Variants in ZNF655 observed in about 807,000 individuals in gnomAD.
ZNF655 encodes the protein Vav-interacting Kruppel-like protein 1.
In ZNF655, 3 loss-of-function variants were observed where a neutral mutation model predicts 6.6. That is an observed-to-expected ratio of 0.46 (90% CI 0.21 to 1.18). The LOEUF (loss-of-function observed/expected upper bound fraction) is 1.18, where lower values mean the gene tolerates loss of function less well. Ranked by LOEUF, ZNF655 falls within the 50% of genes most tolerant of loss-of-function variation. The probability of loss-of-function intolerance (pLI) is 0.24; values close to 1 mark genes in which losing one functional copy is unlikely to be tolerated. For synonymous variants in ZNF655, 178 were observed against 195.0 expected, an observed-to-expected ratio of 0.91 and a Z score of 0.73; for missense variants, 526 against 572.3, an observed-to-expected ratio of 0.92 and a Z score of 0.83.
intron 2 of ZNF655, chr7:99,571,075 C>CT (rs1308791302): frequency 2.6e-6 from 1 of 383,566 alleles, no homozygotes; most frequent in African/African-American, 2.3e-5. Flanking sequence ...TTCTTGGCCT[C>CT]TTATCCCCTG....
rs2151174938 is a variant in ZNF655, at chr7:99,575,638, TTCGTA to T, written c.*2056_*2060del. 6.6e-6 allele frequency: 1 copy of T among 152,134 alleles called. No homozygotes were observed. Among genetic ancestry groups the T allele is most frequent in the Admixed American group, 6.5e-5 (1 of 15,284 alleles). The allele number at this position is 152,134 out of a possible 1,614,324, so 9.4% of individuals were successfully genotyped here. On this transcript the variant is annotated 3_prime_UTR_variant, in exon 3 of 3. Transcript: ENST00000252713. ...TAGCCTTCCAACAGAGATGATGCTG[TTCGTA>T]TGTTAATCTCAGAGACAGTATTTCA...
Position 99,561,497 on chromosome 7 carries a change from C to T in ZNF655, c.136+802C>T, listed in dbSNP as rs17161764. Among the ~76,000 whole-genome samples, 205 of 152,278 alleles carry T rather than the reference C, an allele frequency of 1.3e-3. 1 individual carries two copies. The highest frequency in any genetic ancestry group is 4.8e-3 in the African/African-American group (199 of 41,552). Reference sequence around the variant, plus strand: ...ACCCATTCACAAGAGAAACGCTGATCAAGTGTCTAGAACAGTGCCTGGAAA... The same window carrying T: ...ACCCATTCACAAGAGAAACGCTGATTAAGTGTCTAGAACAGTGCCTGGAAA... On this transcript the variant is annotated intron_variant, in intron 2 of 2. Coordinates refer to ENST00000252713, the MANE Select transcript of ZNF655 (RefSeq NM_138494.3).
chr7:99,563,786 T>C (rs567033339), intron 2 of ZNF655: 669 of 1,543,600 alleles, frequency 4.3e-4, no homozygotes, highest in Middle Eastern at 7.1e-4. Flanking sequence ...CAAGGTCTTC[T>C]TATTTGTGGG....
chr7:99,569,241 AAAATC>A (rs1803859834), intron 2 of ZNF655, among the ~76,000 whole-genome samples: 1 of 152,204 alleles, frequency 6.6e-6, no homozygotes, highest in African/African-American at 2.4e-5. Context: ...AGATTTAAAT[AAAATC>A]AAAAAGTTTT....
chr7:99,564,044 T>A (rs1423988372), intron 2 of ZNF655: 1 of 1,605,870 alleles, frequency 6.2e-7, no homozygotes, highest in Non-Finnish European at 8.5e-7. Flanking sequence ...CGGAAACTCC[T>A]TTTCCACGAT....
rs200453438 is a variant in ZNF655 at position 99,572,672 on chromosome 7, A to C, written c.564A>C (p.Glu188Asp). ...TAACAGAGGATTTTCAGAGTAGTGA[A>C]TGTAAGGAAAGCTTAATGGATCTCT... ...LNLTEDFQSS[E>D]CKESLMDLSH... The change falls in exon 3 of 3, where the codon GAA becomes GAC. Residue 188 changes from glutamate (E) to aspartate (D), a missense_variant. Transcript: ENST00000252713. 86 of 1,613,634 alleles carry C rather than the reference A, an allele frequency of 5.3e-5. No homozygotes were observed. The highest frequency in any genetic ancestry group is 1.0e-5 in the Non-Finnish European group (12 of 1,179,946).
In ZNF655 at chr7:99,574,820, T is replaced by C. The variant is rs1203928714; in HGVS notation, c.*1236T>C. ...ACTTGGATTCCTGTTGATTAACTTC[T>C]CCATTCTCTTAAGCACCTTTAGAAG... On this transcript the variant is annotated 3_prime_UTR_variant, in exon 3 of 3. Coordinates refer to ENST00000252713, the MANE Select transcript of ZNF655 (RefSeq NM_138494.3). 6.6e-6 allele frequency: 1 copy of C among 152,210 alleles called. No individual in the cohort carries two copies. Among genetic ancestry groups the C allele is most frequent in the African/African-American group, 2.4e-5 (1 of 41,460 alleles). 9.4% of individuals were successfully genotyped at this position (152,210 alleles called of 1,614,324 possible). A position where few individuals can be genotyped will look rare whatever the true frequency, so the allele number is the denominator to read the frequency against.
rs1448533847 is a variant in ZNF655 at position 99,570,396 on chromosome 7, C to A, written c.137-1849C>A. 4 of 152,292 alleles carry A rather than the reference C, an allele frequency of 2.6e-5. No homozygotes were observed. The East Asian group carries it at 7.7e-4, about 29-fold the overall frequency. The allele number at this position is 152,292 out of a possible 1,614,324, so 9.4% of individuals were successfully genotyped here. A position where few individuals can be genotyped will look rare whatever the true frequency, so the allele number is the denominator to read the frequency against. On this transcript the variant is annotated intron_variant, in intron 2 of 2. Coordinates refer to ENST00000252713, the MANE Select transcript of ZNF655 (RefSeq NM_138494.3). ...CAGGATTTCAGAAACACAGTAAATA[C>A]CTTTCTTCTATCTATTCTGATCTCC...
intron 1 of ZNF655, 90 bp from the exon 2 acceptor site, chr7:99,560,443 G>C: frequency 1.6e-6 from 2 of 1,254,966 alleles, no homozygotes; most frequent in Non-Finnish European, 2.2e-6. Context: ...AATATCCATA[G>C]TGTGTAAGAT....
At chr7:99,563,049 C>T in intron 2 of ZNF655, 1 of 285,092 alleles carries the variant, frequency 3.5e-6, no homozygotes, top group South Asian at 3.0e-5. Flanking sequence ...GCATGACTCA[C>T]TGTGAGTACA....
rs1166061979 is a variant in ZNF655, at chr7:99,573,559, G to A, written c.1451G>A (p.Ser484Asn). Residue 484 changes from serine to asparagine, a missense_variant, in exon 3 of 3, where the codon AGC (serine) becomes AAC (asparagine). Ser to Asn is a conservative substitution (Grantham distance 46). Transcript: ENST00000252713. ...SQRAHLVQHQ[S>N]IHTKENS Reference sequence around the variant, plus strand: ...AGAGCACATCTAGTTCAACATCAGAGCATTCATACCAAAGAGAACTCATGA... The same window carrying A: ...AGAGCACATCTAGTTCAACATCAGAACATTCATACCAAAGAGAACTCATGA... The A allele has an allele frequency of 6.2e-7, 1 of 1,604,644 alleles. No homozygotes were observed.
Position 99,558,646 on chromosome 7 carries a change from G to C in ZNF655, c.-169G>C, listed in dbSNP as rs1248905290. On this transcript the variant is annotated 5_prime_UTR_variant, in exon 1 of 3. Transcript: ENST00000252713. The stretch of plus-strand genomic sequence containing the variant: ...GGCGGAGGAGGGGGGGCCCTCATTC[G>C]GGACCCTGCACTCCGTCGCCGGAAG... 1 of 152,140 alleles carries C rather than the reference G, an allele frequency of 6.6e-6. No individual in the cohort carries two copies. The highest frequency in any genetic ancestry group is 6.5e-5 in the Admixed American group (1 of 15,280). 9.4% of individuals were successfully genotyped at this position (152,140 alleles called of 1,614,324 possible). A position where few individuals can be genotyped will look rare whatever the true frequency, so the allele number is the denominator to read the frequency against.
intron 2 of ZNF655, chr7:99,564,257 C>T (rs1045899133): frequency 3.0e-6 from 4 of 1,339,120 alleles, no homozygotes; most frequent in Admixed American, 3.9e-5. Flanking sequence ...TGTGAAAAAC[C>T]AGAAATTCCA....
At chr7:99,565,962 G>T (rs1803587216) in intron 2 of ZNF655, among the ~76,000 whole-genome samples, 1 of 126,150 alleles carries the variant, frequency 7.9e-6, no homozygotes, top group South Asian at 2.4e-4. Flanking sequence ...CTATATATAT[G>T]TATGTATACA....
chr7:99,562,493 G>A (rs781378922), intron 2 of ZNF655: 1 of 1,609,548 alleles, frequency 6.2e-7, no homozygotes, highest in Non-Finnish European at 8.5e-7. Context: ...TGGTCTCACT[G>A]GGTAAGGACT....
intron 2 of ZNF655, chr7:99,564,008 TC>T (rs770452971): frequency 6.2e-7 from 1 of 1,613,590 alleles, no homozygotes; most frequent in Non-Finnish European, 8.5e-7. Context: ...AGTATCGGCT[TC>T]CCATCGATAT....
chr7:99,563,920 T>TGA, intron 2 of ZNF655: 1 of 1,613,784 alleles, frequency 6.2e-7, no homozygotes, highest in Non-Finnish European at 8.5e-7. Flanking sequence ...TGCCCGGCCC[T>TGA]GAGTCATACC....
intron 2 of ZNF655, among the ~76,000 whole-genome samples, chr7:99,561,615 T>TA (rs1259146084): frequency 6.6e-6 from 1 of 152,220 alleles, no homozygotes; most frequent in African/African-American, 2.4e-5. Flanking sequence ...GGTATAGTCT[T>TA]ACTCTTCTGT....
At chr7:99,564,441 C>T (rs1790754220) in intron 2 of ZNF655, 5 of 1,013,662 alleles carry the variant, frequency 4.9e-6, no homozygotes, top group African/African-American at 1.7e-5. Flanking sequence ...CTTGAAGTCC[C>T]TGTGGCCCTC....
Sources: allele counts gnomAD v4.1 joint callset (sites outside exome capture counted in the v4.1 genomes callset), GRCh38; gene constraint gnomAD v4.1.1; transcripts MANE v1.5; gene names NCBI Gene and HGNC (gene_info 2026-07-23, HGNC 2026-07-21).